Variants in UMAD1 observed in about 807,000 individuals in gnomAD.
UMAD1 encodes the protein UBAP1-MVB12-associated (UMA) domain containing 1, also known as UBAP1-MVB12-associated (UMA)-domain containing protein 1.
Under a neutral mutation model 6.1 loss-of-function variants are expected in UMAD1, and 8 were observed. The ratio of observed to expected loss-of-function variants is 1.30; its 90% CI spans 0.76 to 2.35. The LOEUF (loss-of-function observed/expected upper bound fraction) is 2.35, where lower values mean the gene tolerates loss of function less well. Among genes scored for constraint, UMAD1 ranks in the 30% most tolerant of loss-of-function variants. The pLI is 0.00. For missense variants in UMAD1, 130 were observed against 78.4 expected (o/e 1.66, Z -2.49); for synonymous variants, 56 against 31.4 (o/e 1.78, Z -2.61).
chr7:7,705,422 A>G (rs1041224196), intron 2 of UMAD1, among the ~76,000 whole-genome samples: 7 of 152,188 alleles, frequency 4.6e-5, no homozygotes, highest in Non-Finnish European at 4.4e-5. Flanking sequence ...TAAAATAACT[A>G]TGTAGGTTTA....
At chr7:7,741,953 G>A (rs932350732) in intron 2 of UMAD1, 24 of 272,624 alleles carry the variant, frequency 8.8e-5, no homozygotes, top group African/African-American at 5.3e-4. Context: ...TATAGTTATA[G>A]TGTTGAAAAA....
At chr7:7,744,706 A>G (rs1333381985) in intron 2 of UMAD1, among the ~76,000 whole-genome samples, 1 of 151,502 alleles carries the variant, frequency 6.6e-6, no homozygotes, top group Non-Finnish European at 1.5e-5. Flanking sequence ...CTTATTGGCC[A>G]TTTATATCTT....
intron 1 of UMAD1, among the ~76,000 whole-genome samples, chr7:7,645,300 A>G (rs906940674): frequency 2.0e-5 from 3 of 152,228 alleles, no homozygotes; most frequent in African/African-American, 7.2e-5. Context: ...AGCTGCATAA[A>G]CAAAAGTATC....
rs189881074 is a variant in UMAD1, at chr7:7,820,708, C to T, written c.156+18965C>T. ...TTTAGTGTATTTTGGTACTCATTTG[C>T]TTTTAGTTATTCTTTTCTTGATTTT... is the stretch of plus-strand genomic sequence containing the variant. On this transcript the variant is annotated intron_variant, in intron 3 of 3. Transcript: ENST00000682710. Among the ~76,000 whole-genome samples, 287 of 152,062 alleles carry T rather than the reference C, an allele frequency of 1.9e-3. 2 individuals are homozygous for T. The highest frequency in any genetic ancestry group is 2.5e-3 in the Non-Finnish European group (170 of 67,984).
chr7:7,739,879 T>A (rs1178322185), intron 2 of UMAD1, among the ~76,000 whole-genome samples: 1 of 152,224 alleles, frequency 6.6e-6, no homozygotes, highest in Non-Finnish European at 1.5e-5. Flanking sequence ...CTTATTTGTC[T>A]ATACAAAGGA....
chr7:7,648,640 C>G (rs113991897), intron 1 of UMAD1, among the ~76,000 whole-genome samples: 2,596 of 151,994 alleles, frequency 0.017, 46 homozygotes, highest in East Asian at 0.035. Flanking sequence ...CCCTTGAATT[C>G]AGGAGTTCGA....
intron 2 of UMAD1, among the ~76,000 whole-genome samples, chr7:7,756,334 G>C (rs148600688): frequency 6.6e-6 from 1 of 152,182 alleles, no homozygotes; most frequent in African/African-American, 2.4e-5. Context: ...GAGTGGTTCT[G>C]AACTGAGTAT....
At chr7:7,671,211 G>T (rs1236764653) in intron 1 of UMAD1, among the ~76,000 whole-genome samples, 1 of 152,216 alleles carries the variant, frequency 6.6e-6, no homozygotes, top group Non-Finnish European at 1.5e-5. Flanking sequence ...AGCTTCGTGT[G>T]TCAATAGCCA....
At chr7:7,800,340 T>G (rs1213489155) in intron 2 of UMAD1, among the ~76,000 whole-genome samples, 1 of 152,288 alleles carries the variant, frequency 6.6e-6, no homozygotes, top group Admixed American at 6.5e-5. Context: ...TGTAAACATT[T>G]TGTGGGTTAA....
intron 2 of UMAD1, among the ~76,000 whole-genome samples, chr7:7,687,778 A>G (rs181170755): frequency 6.6e-6 from 1 of 152,362 alleles, no homozygotes; most frequent in Admixed American, 6.5e-5. Flanking sequence ...TATTAAATAC[A>G]TGATATTCAA....
chr7:7,661,248 C>T (rs866348501), intron 1 of UMAD1, among the ~76,000 whole-genome samples: 2 of 152,140 alleles, frequency 1.3e-5, no homozygotes, highest in Non-Finnish European at 2.9e-5. Context: ...AGCTTCCTTG[C>T]GTTGGGTTAG....
chr7:7,662,515 A>G (rs72576124), intron 1 of UMAD1, among the ~76,000 whole-genome samples: 5,993 of 152,170 alleles, frequency 0.039, 201 homozygotes, highest in East Asian at 0.15. Flanking sequence ...TCCGGACCGG[A>G]GTGCACTGTT....
chr7:7,720,916 G>T (rs1781036076), intron 2 of UMAD1, among the ~76,000 whole-genome samples: 1 of 152,192 alleles, frequency 6.6e-6, no homozygotes, highest in African/African-American at 2.4e-5. Context: ...TTTGCAGATG[G>T]AATCAAGTTA....
chr7:7,800,846 T>G (rs1000727609), intron 2 of UMAD1, among the ~76,000 whole-genome samples: 2 of 152,224 alleles, frequency 1.3e-5, no homozygotes, highest in Non-Finnish European at 2.9e-5. Flanking sequence ...ATTTCTTTGG[T>G]AATCTTCCCT....
At chr7:7,702,886 C>T (rs1299818125) in intron 2 of UMAD1, among the ~76,000 whole-genome samples, 3 of 152,174 alleles carry the variant, frequency 2.0e-5, no homozygotes, top group Non-Finnish European at 4.4e-5. Flanking sequence ...TTGCTTCACC[C>T]ACCTGTACAA....
At chr7:7,852,903 T>A (rs1450796395) in intron 3 of UMAD1, among the ~76,000 whole-genome samples, 2 of 152,236 alleles carry the variant, frequency 1.3e-5, no homozygotes, top group Non-Finnish European at 2.9e-5. Context: ...TTTGTTCACA[T>A]TCTTCTCGCC....
chr7:7,709,491 T>G (rs1031763491), intron 2 of UMAD1, among the ~76,000 whole-genome samples: 1 of 152,150 alleles, frequency 6.6e-6, no homozygotes, highest in Admixed American at 6.5e-5. Context: ...GAAGGAACTG[T>G]GTGGAGAGAA....
intron 3 of UMAD1, 140 bp from the exon 4 acceptor site, chr7:7,877,141 A>G (rs1299310232): frequency 5.0e-6 from 3 of 601,628 alleles, no homozygotes; most frequent in Admixed American, 2.9e-5. Context: ...TTCTAAAGTA[A>G]AGTAAAGAGC....
At chr7:7,866,606 A>C (rs995196300) in intron 3 of UMAD1, among the ~76,000 whole-genome samples, 2 of 152,240 alleles carry the variant, frequency 1.3e-5, no homozygotes. Flanking sequence ...ATCTACATAC[A>C]TGTCTACTTT....
Sources: gnomAD v4.1 joint callset for allele counts (sites outside exome capture counted in the v4.1 genomes callset) on GRCh38, gnomAD v4.1.1 for gene constraint, MANE v1.5 for transcripts, NCBI Gene and HGNC (gene_info 2026-07-23, HGNC 2026-07-21) for gene names.